COL2A1: variants seen among roughly 807,000 people sequenced by gnomAD.
The protein encoded by COL2A1 is collagen alpha-1(II) chain.
COL2A1 carries 28 observed loss-of-function variants against 204.5 expected under a neutral mutation model. The ratio of observed to expected loss-of-function variants is 0.14; its 90% CI spans 0.10 to 0.19. COL2A1 has a LOEUF of 0.19. Ranked by LOEUF, COL2A1 falls within the 10% of genes least tolerant of loss-of-function variation. COL2A1 has a pLI of 1.00. For missense variants in COL2A1, 1,388 were observed against 2,027.5 expected (o/e 0.68, Z 6.06); for synonymous variants, 708 against 718.7 (o/e 0.99, Z 0.24).
At chr12:47,989,169 CG>C in intron 18 of COL2A1, 58 bp downstream of exon 18, 1 of 1,439,238 alleles carries the variant, frequency 6.9e-7, no homozygotes. Flanking sequence ...GCAAGGGTTA[CG>C]GGGAAAGGAC....
Position 47,981,410 on chromosome 12 carries a change from A to G in COL2A1, c.2410-14T>C. The stretch of plus-strand genomic sequence containing the variant: ...TCCAACTTCTCCCTGAGGGTGGGGA[A>G]GGGAGGAAGAGCTGGGGTAAGAAGG... On this transcript the variant is annotated splice_polypyrimidine_tract_variant and intron_variant, in intron 36 of 53. Transcript: ENST00000380518. 6.2e-7 allele frequency: 1 copy of G among 1,607,160 alleles called. No individual in the cohort carries two copies. The highest frequency in any genetic ancestry group is 8.5e-7 in the Non-Finnish European group (1 of 1,177,382).
chr12:47,973,199 A>C lies in COL2A1; in HGVS notation c.*208T>G. 1.5e-6 allele frequency: 1 copy of C among 671,384 alleles called. No homozygotes were observed. Among genetic ancestry groups the C allele is most frequent in the Non-Finnish European group, 2.6e-6 (1 of 377,718 alleles). 41.6% of individuals were successfully genotyped at this position (671,384 alleles called of 1,614,324 possible). On this transcript the variant is annotated 3_prime_UTR_variant, in exon 54 of 54. Transcript: ENST00000380518. ...AGGTCTTACAGGAAGACAATAAATA[A>C]ATAGAACACCGAGATTTTATTTTGC...
intron 51 of COL2A1, 139 bp downstream of exon 51, chr12:47,975,178 G>C: frequency 8.6e-7 from 1 of 1,163,052 alleles, no homozygotes; most frequent in Non-Finnish European, 1.2e-6. Flanking sequence ...TCTCTGCTGT[G>C]AAATAAGAGA....
rs752194370 is a variant in COL2A1 at position 47,976,503 on chromosome 12, A to G, written c.3489+11T>C. ...AGGGCCCCCTCCATCTTCCAACTCC[A>G]TGTCACTTACTCTAGGGCCAGAAGG... On this transcript the variant is annotated intron_variant, in intron 49 of 53. Coordinates refer to ENST00000380518, the MANE Select transcript of COL2A1 (RefSeq NM_001844.5). The surrounding 1 kb of genome is among the most constrained non-coding windows in gnomAD (Gnocchi z 4.3). 101 of 1,613,804 alleles carry G rather than the reference A, an allele frequency of 6.3e-5. No individual in the cohort carries two copies. Among genetic ancestry groups the G allele is most frequent in the Non-Finnish European group, 8.5e-5 (100 of 1,179,888 alleles).
intron 44 of COL2A1, 108 bp downstream of exon 44, chr12:47,977,902 C>T (rs1044662808): frequency 3.6e-6 from 4 of 1,119,234 alleles, no homozygotes; most frequent in Admixed American, 3.9e-5. Flanking sequence ...GACACTGCCA[C>T]CCCCTTCTCC....
rs1342440880 is a variant in COL2A1 at position 47,977,092 on chromosome 12, G to A, written c.3327+10C>T. ...GGTGGGGACTCAGTGCAGGACACTT[G>A]GATACTCACCTGGATTCCCCGGGCT... On this transcript the variant is annotated intron_variant, in intron 47 of 53. Coordinates refer to ENST00000380518, the MANE Select transcript of COL2A1 (RefSeq NM_001844.5). The A allele has an allele frequency of 1.2e-6, 2 of 1,602,716 alleles. No individual in the cohort carries two copies. The highest frequency in any genetic ancestry group is 8.5e-7 in the Non-Finnish European group (1 of 1,175,524).
upstream of COL2A1, among the ~76,000 whole-genome samples, chr12:48,004,843 G>A (rs1940403381): frequency 6.6e-6 from 1 of 152,232 alleles, no homozygotes; most frequent in African/African-American, 2.4e-5. Flanking sequence ...GGTGTTTGCA[G>A]AGGCGCAGGC....
Position 47,985,178 on chromosome 12 carries a change from G to A in COL2A1, c.1735-85C>T. On this transcript the variant is annotated intron_variant, in intron 26 of 53. Coordinates refer to ENST00000380518, the MANE Select transcript of COL2A1 (RefSeq NM_001844.5). ...CATCCACTAAGGGCCTACATGGCAGGCCCAGGACTAGGCACCAGCCACACA... is the reference window on the plus strand; with the variant it reads ...CATCCACTAAGGGCCTACATGGCAGACCCAGGACTAGGCACCAGCCACACA... 3 of 1,103,184 alleles carry A rather than the reference G, an allele frequency of 2.7e-6. No individual in the cohort carries two copies. The South Asian group carries it at 3.9e-5, about 14-fold the overall frequency. 68.3% of individuals were successfully genotyped at this position (1,103,184 alleles called of 1,614,324 possible).
At chr12:47,989,688 C>T in intron 17 of COL2A1, 73 bp downstream of exon 17, 1 of 1,352,870 alleles carries the variant, frequency 7.4e-7, no homozygotes, top group Non-Finnish European at 1.1e-6. Flanking sequence ...ATACACCCTG[C>T]AGACTGCCTT....
At chr12:47,989,882 A>G in intron 16 of COL2A1, 77 bp from the exon 17 acceptor site, 1 of 1,404,834 alleles carries the variant, frequency 7.1e-7, no homozygotes, top group Admixed American at 1.7e-5. Flanking sequence ...ACCCTTACAG[A>G]AAACGAAGGA....
At position 48,003,820 on chromosome 12, in the gene COL2A1, C is replaced by T. The variant is rs375321363; in HGVS notation, c.85+417G>A. 1.6e-4 allele frequency among the ~76,000 whole-genome samples: 25 copies of T among 152,330 alleles called. No homozygotes were observed. In the South Asian group the frequency reaches 5.0e-3, roughly 30 times the overall value. On this transcript the variant is annotated intron_variant, in intron 1 of 53. Transcript: ENST00000380518. The stretch of plus-strand genomic sequence containing the variant: ...CTCCCTCGCTCGCGCTCTCTCTTTC[C>T]TACTTCACCTAAGTTCGATGAGTTG...
chr12:47,977,357 G>T lies in COL2A1; in HGVS notation c.3236C>A (p.Ala1079Asp). 6.2e-7 allele frequency: 1 copy of T among 1,613,732 alleles called. No individual in the cohort carries two copies. The highest frequency in any genetic ancestry group is 2.2e-5 in the East Asian group (1 of 44,888). The change falls in exon 46 of 54, where the codon GCT becomes GAT. Residue 1079 changes from alanine to aspartate, a missense_variant. Coordinates refer to ENST00000380518, the MANE Select transcript of COL2A1 (RefSeq NM_001844.5). ...APGPPGSPGP[A>D]GPTGKQGDRG... ...GTCTCCTTGCTTGCCAGTTGGACCA[G>T]CGGGGCCAGGGGAGCCAGGGGGCCC...
chr12:47,974,044 G>C (rs374615575), intron 53 of COL2A1, 45 bp downstream of exon 53: 4 of 1,613,818 alleles, frequency 2.5e-6, no homozygotes, highest in Non-Finnish European at 3.4e-6. Flanking sequence ...CCTGCTCCAG[G>C]CGGTTTGGGC....
At chr12:48,001,500 C>G (rs1940230414) in intron 1 of COL2A1, among the ~76,000 whole-genome samples, 1 of 151,850 alleles carries the variant, frequency 6.6e-6, no homozygotes, top group South Asian at 2.1e-4. Flanking sequence ...GGTTAATGCG[C>G]TCCAGCCCAG....
chr12:47,978,600 G>T lies in COL2A1; in HGVS notation c.2892C>A (p.Pro964=), dbSNP rs769500366. Residue 964 remains proline, a synonymous_variant, in exon 42 of 54, where the codon CCC becomes CCA. Coordinates refer to ENST00000380518, the MANE Select transcript of COL2A1 (RefSeq NM_001844.5). The surrounding 1 kb of genome is among the most constrained non-coding windows in gnomAD (Gnocchi z 5.5). Reference sequence around the variant, plus strand: ...ATGGGCCTGGTGAGGGACTTACAGAGGGACCGTCATCTCCAGGCTCTCCCT... The same window carrying T: ...ATGGGCCTGGTGAGGGACTTACAGATGGACCGTCATCTCCAGGCTCTCCCT... ...GEKGEPGDDG[P]SGAEGPPGPQ... 5.0e-6 allele frequency: 8 copies of T among 1,613,526 alleles called. No individual in the cohort carries two copies. In the South Asian group the frequency reaches 8.8e-5, roughly 18 times the overall value.
intron 3 of COL2A1, 96 bp downstream of exon 3, chr12:47,998,319 T>TA (rs1940063506): frequency 5.2e-6 from 8 of 1,537,728 alleles, no homozygotes; most frequent in East Asian, 2.2e-5. Context: ...TTCTGATGTC[T>TA]AAAAAATCAC....
chr12:47,985,940 G>C lies in COL2A1; in HGVS notation c.1553C>G (p.Pro518Arg), dbSNP rs1939376397. The change falls in exon 24 of 54, where the codon CCA (proline) becomes CGA (arginine). Residue 518 changes from proline to arginine, a missense_variant. Pro to Arg is a moderately radical substitution (Grantham distance 103). Coordinates refer to ENST00000380518, the MANE Select transcript of COL2A1 (RefSeq NM_001844.5). ...GGGACCTGCCAGACCATCTTGACCTGGGAAACCGCGGTTGCCGGGAGCACC... is the reference window on the plus strand; with the variant it reads ...GGGACCTGCCAGACCATCTTGACCTCGGAAACCGCGGTTGCCGGGAGCACC... ...ERGAPGNRGF[P>R]GQDGLAGPKG... The C allele has an allele frequency of 6.4e-7, 1 of 1,551,680 alleles. No homozygotes were observed. The highest frequency in any genetic ancestry group is 8.7e-7 in the Non-Finnish European group (1 of 1,147,078).
chr12:47,995,952 C>T (rs1939940325), intron 8 of COL2A1, 33 bp from the exon 9 acceptor site: 1 of 1,582,886 alleles, frequency 6.3e-7, no homozygotes, highest in African/African-American at 1.3e-5. Context: ...GGGTTTACTA[C>T]ACATGCTTCC....
In COL2A1 at chr12:47,978,126, A is replaced by C; in HGVS notation, c.3004-9T>G. Reference sequence around the variant, plus strand: ...TGCTTGCCGGGCTCACCCTGGAGGGACAGAGACAAGGATGATGAGTGCAAG... The same window carrying C: ...TGCTTGCCGGGCTCACCCTGGAGGGCCAGAGACAAGGATGATGAGTGCAAG... On this transcript the variant is annotated splice_polypyrimidine_tract_variant and intron_variant, in intron 43 of 53. Transcript: ENST00000380518. The surrounding 1 kb of genome is among the most constrained non-coding windows in gnomAD (Gnocchi z 5.5). 2 of 1,610,888 alleles carry C rather than the reference A, an allele frequency of 1.2e-6. No homozygotes were observed. The highest frequency in any genetic ancestry group is 1.7e-6 in the Non-Finnish European group (2 of 1,178,592).
Sources: gnomAD v4.1 joint callset for allele counts (sites outside exome capture counted in the v4.1 genomes callset) on GRCh38, gnomAD v4.1.1 for gene constraint, Gnocchi (gnomAD v3.1) non-coding constraint, MANE v1.5 for transcripts, NCBI Gene and HGNC (gene_info 2026-07-23, HGNC 2026-07-21) for gene names.